Variants in TNFRSF8 observed in about 807,000 individuals in gnomAD.
TNFRSF8 encodes tumor necrosis factor receptor superfamily member 8.
A neutral mutation model predicts 70.8 loss-of-function variants in TNFRSF8; 26 were observed. The observed-to-expected ratio is 0.37, with a 90% confidence interval of 0.27 to 0.51. TNFRSF8 has a LOEUF of 0.51. Among genes scored for constraint, TNFRSF8 ranks in the 20% least tolerant of loss-of-function variants. TNFRSF8 has a pLI of 0.94. For synonymous variants in TNFRSF8, 356 were observed against 339.2 expected, an observed-to-expected ratio of 1.05 and a Z score of -0.54; for missense variants, 720 against 807.9, an observed-to-expected ratio of 0.89 and a Z score of 1.32.
At chr1:12,079,045 A>G (rs1314245576) in intron 1 of TNFRSF8, among the ~76,000 whole-genome samples, 1 of 152,042 alleles carries the variant, frequency 6.6e-6, no homozygotes, top group Non-Finnish European at 1.5e-5. Flanking sequence ...AGGGGTGCTT[A>G]CCTCGCTGGC....
At position 12,076,534 on chromosome 1, in the gene TNFRSF8, A is replaced by G. The variant is rs1640970922; in HGVS notation, c.64-7930A>G. ...TGAGTTCCTTCCAGCCAGGGACTCC[A>G]GGCTCCACCCTCTATGCTGTTTCCG... On this transcript the variant is annotated intron_variant, in intron 1 of 14. Coordinates refer to ENST00000263932, the MANE Select transcript of TNFRSF8 (RefSeq NM_001243.5). 5.3e-5 allele frequency among the ~76,000 whole-genome samples: 8 copies of G among 152,158 alleles called. 1 individual carries two copies.
chr1:12,118,014 C>T (rs1014558626), intron 8 of TNFRSF8, among the ~76,000 whole-genome samples: 6 of 152,130 alleles, frequency 3.9e-5, no homozygotes, highest in Non-Finnish European at 5.9e-5. Flanking sequence ...CATGTTGCTG[C>T]GAAAGACTTG....
intron 1 of TNFRSF8, among the ~76,000 whole-genome samples, chr1:12,065,635 C>A (rs1229140285): frequency 6.6e-6 from 1 of 152,180 alleles, no homozygotes; most frequent in Non-Finnish European, 1.5e-5. Context: ...CTATACCCTA[C>A]AGTACATATG....
At chr1:12,117,423 G>A (rs568323070) in intron 8 of TNFRSF8, among the ~76,000 whole-genome samples, 60 of 152,230 alleles carry the variant, frequency 3.9e-4, no homozygotes, top group African/African-American at 1.2e-3. Flanking sequence ...AGGAATATCC[G>A]GGGAAAGTTC....
intron 1 of TNFRSF8, among the ~76,000 whole-genome samples, chr1:12,065,601 G>T (rs1413537546): frequency 6.6e-6 from 1 of 152,034 alleles, no homozygotes; most frequent in Non-Finnish European, 1.5e-5. Context: ...TGTTTTAATA[G>T]ACATATATAT....
intron 8 of TNFRSF8, among the ~76,000 whole-genome samples, chr1:12,121,706 A>G (rs1189623811): frequency 6.6e-6 from 1 of 152,348 alleles, no homozygotes; most frequent in East Asian, 1.9e-4. Flanking sequence ...TCTGGCCAGC[A>G]TAGCAATCCA....
intron 1 of TNFRSF8, among the ~76,000 whole-genome samples, chr1:12,082,452 G>A (rs541564231): frequency 1.3e-4 from 19 of 150,106 alleles, no homozygotes; most frequent in South Asian, 1.3e-3. Flanking sequence ...AGGCTGAGGC[G>A]AAAGAGAGGA....
chr1:12,079,563 C>T (rs768645007), intron 1 of TNFRSF8, among the ~76,000 whole-genome samples: 5 of 152,226 alleles, frequency 3.3e-5, no homozygotes, highest in East Asian at 1.9e-4. Context: ...GCAGACGCCC[C>T]GGCCCTTGCC....
rs1410863126 is a variant in TNFRSF8, at chr1:12,115,687, C to T, written c.904C>T (p.Pro302Ser). 5 of 1,614,036 alleles carry T rather than the reference C, an allele frequency of 3.1e-6. No homozygotes were observed. In the African/African-American group the frequency reaches 4.0e-5, roughly 13 times the overall value. ...CACCAACTCCTGTGCCCGCTGTGTC[C>T]CCTACCCAATCTGTGCAGCAGAGAC... ...SATNSCARCV[P>S]YPICAAETVT... The change falls in exon 8 of 15, where the codon CCC becomes TCC. Residue 302 changes from proline to serine, a missense_variant. Pro to Ser is a moderately conservative substitution (Grantham distance 74, BLOSUM62 -1). Transcript: ENST00000263932.
chr1:12,121,051 A>C (rs530289074), intron 8 of TNFRSF8, among the ~76,000 whole-genome samples: 6 of 152,340 alleles, frequency 3.9e-5, no homozygotes, highest in African/African-American at 1.4e-4. Flanking sequence ...GCTGACTGGG[A>C]ATAGCCACAG....
rs892394258 is a variant in TNFRSF8, at chr1:12,110,839, C to T, written c.676+635C>T. Reference sequence around the variant, plus strand: ...TCTCGAACTCCCGACCTCAGGTGATCCGCCCACCTCGGCCTCCCAAAGTGC... The same window carrying T: ...TCTCGAACTCCCGACCTCAGGTGATTCGCCCACCTCGGCCTCCCAAAGTGC... On this transcript the variant is annotated intron_variant, in intron 6 of 14. Transcript: ENST00000263932. This position sits in a 1 kb window ranked among gnomAD's most constrained non-coding sequence, Gnocchi z 4.0. 6.9e-6 allele frequency among the ~76,000 whole-genome samples: 1 copy of T among 145,768 alleles called. No homozygotes were observed. Among genetic ancestry groups the T allele is most frequent in the Non-Finnish European group, 1.5e-5 (1 of 66,952 alleles).
intron 10 of TNFRSF8, among the ~76,000 whole-genome samples, chr1:12,124,883 A>AAAACAAAACAAAACAAAACC (rs1557600784): frequency 7.6e-6 from 1 of 131,886 alleles, no homozygotes; most frequent in Non-Finnish European, 1.7e-5. Context: ...CAAAACAAAC[A>AAAACAAAACAAAACAAAACC]AAACCCCCAA....
intron 12 of TNFRSF8, among the ~76,000 whole-genome samples, chr1:12,126,964 T>C (rs1174749155): frequency 2.0e-5 from 3 of 152,208 alleles, no homozygotes; most frequent in African/African-American, 7.2e-5. Context: ...TCCTGGGTGC[T>C]TCTGACCCCC....
At chr1:12,090,282 C>T (rs1641225908) in intron 2 of TNFRSF8, among the ~76,000 whole-genome samples, 1 of 149,718 alleles carries the variant, frequency 6.7e-6, no homozygotes, top group African/African-American at 2.5e-5. Context: ...CTCATCCACT[C>T]TTCCCTAACC....
At chr1:12,067,660 T>C (rs1043054813) in intron 1 of TNFRSF8, among the ~76,000 whole-genome samples, 3 of 151,138 alleles carry the variant, frequency 2.0e-5, no homozygotes, top group African/African-American at 7.3e-5. Context: ...TGGGTGGCAG[T>C]GAGACTGTAT....
At position 12,108,081 on chromosome 1, in the gene TNFRSF8, T is replaced by A. The variant is rs1304391434; in HGVS notation, c.422-1485T>A. ...CCACACATACAGGCCACCATTTTTT[T>A]ATTTTTTTTTTTTTTGTGATGGAGC... On this transcript the variant is annotated intron_variant, in intron 4 of 14. Transcript: ENST00000263932. This position sits in a 1 kb window ranked among gnomAD's most constrained non-coding sequence, Gnocchi z 4.0. Among the ~76,000 whole-genome samples, 4 of 151,188 alleles carry A rather than the reference T, an allele frequency of 2.6e-5. No individual in the cohort carries two copies. The highest frequency in any genetic ancestry group is 2.1e-4 in the South Asian group (1 of 4,732).
At chr1:12,124,549 C>T (rs924024455) in intron 10 of TNFRSF8, among the ~76,000 whole-genome samples, 20 of 152,116 alleles carry the variant, frequency 1.3e-4, no homozygotes, top group African/African-American at 3.6e-4. Context: ...TTAGGCTGGA[C>T]GCGGTGGCTC....
chr1:12,080,334 G>GA (rs1226824099), intron 1 of TNFRSF8: 11 of 523,852 alleles, frequency 2.1e-5, no homozygotes, highest in Admixed American at 1.9e-4. Context: ...CCATCCGGCC[G>GA]AATCAGGGTG....
At chr1:12,114,328 T>TAA (rs1442848725) in intron 7 of TNFRSF8, among the ~76,000 whole-genome samples, 1 of 152,216 alleles carries the variant, frequency 6.6e-6, no homozygotes, top group Non-Finnish European at 1.5e-5. Context: ...CATACTCAGT[T>TAA]ATCTTAAGAG....
Sources: gnomAD v4.1 joint callset for allele counts (sites outside exome capture counted in the v4.1 genomes callset) on GRCh38, gnomAD v4.1.1 for gene constraint, Gnocchi (gnomAD v3.1) non-coding constraint, MANE v1.5 for transcripts, NCBI Gene and HGNC (gene_info 2026-07-23, HGNC 2026-07-21) for gene names.